Variants in CUX1 observed in about 807,000 individuals in gnomAD.
CUX1 encodes the protein protein CASP.
Under a neutral mutation model 158.8 loss-of-function variants are expected in CUX1, and 31 were observed. The observed-to-expected ratio is 0.20, with a 90% CI of 0.15 to 0.26. CUX1 has a LOEUF of 0.26. CUX1 is among the 10% of genes least tolerant of loss of function. CUX1 has a pLI of 1.00. For missense variants in CUX1, 1,589 were observed against 2,014.6 expected (o/e 0.79, Z 4.04); for synonymous variants, 879 against 862.1 (o/e 1.02, Z -0.34).
intron 9 of CUX1, among the ~76,000 whole-genome samples, chr7:102,160,053 C>T (rs781821006): frequency 3.3e-5 from 5 of 151,908 alleles, no homozygotes; most frequent in Non-Finnish European, 7.4e-5. Flanking sequence ...CGGTGACATG[C>T]ACCTGTCATC....
intron 18 of CUX1, 57 bp from the exon 19 acceptor site, chr7:102,204,334 T>C: frequency 1.9e-6 from 3 of 1,593,912 alleles, no homozygotes; most frequent in Non-Finnish European, 2.6e-6. Context: ...CAGCAGCATC[T>C]GTGGTGTCAT....
At chr7:101,979,762 G>T (rs1211368378) in intron 2 of CUX1, among the ~76,000 whole-genome samples, 1 of 152,134 alleles carries the variant, frequency 6.6e-6, no homozygotes, top group African/African-American at 2.4e-5. Flanking sequence ...CAATTCTCAT[G>T]CCTCAGCCTC....
intron 3 of CUX1, among the ~76,000 whole-genome samples, chr7:102,051,187 T>A (rs1413937112): frequency 6.6e-6 from 1 of 152,086 alleles, no homozygotes; most frequent in Non-Finnish European, 1.5e-5. Context: ...CAGGCCACTT[T>A]GTTTGAACAC....
Position 102,251,854 on chromosome 7 carries a change from G to A in CUX1, c.*2812G>A, listed in dbSNP as rs1387394871. The A allele has an allele frequency of 1.0e-6, 1 of 985,268 alleles. No individual in the cohort carries two copies. Among genetic ancestry groups the A allele is most frequent in the Non-Finnish European group, 1.2e-6 (1 of 829,932 alleles). 61.0% of individuals were successfully genotyped at this position (985,268 alleles called of 1,614,324 possible). On this transcript the variant is annotated 3_prime_UTR_variant, in exon 24 of 24. Transcript: ENST00000292535. ...AAAGGCATGACTGTTATTTACAAAGGTGTTAAATCTGAGGAAATTGACAAA... is the reference window on the plus strand; with the variant it reads ...AAAGGCATGACTGTTATTTACAAAGATGTTAAATCTGAGGAAATTGACAAA...
At chr7:101,921,268 T>C (rs1804889379) in intron 2 of CUX1, among the ~76,000 whole-genome samples, 2 of 152,076 alleles carry the variant, frequency 1.3e-5, no homozygotes. Context: ...CACATATGTG[T>C]GTGTACGTAC....
intron 4 of CUX1, among the ~76,000 whole-genome samples, chr7:102,088,158 T>C (rs1828145232): frequency 6.6e-6 from 1 of 152,030 alleles, no homozygotes; most frequent in Non-Finnish European, 1.5e-5. Context: ...CCACCATGCC[T>C]GGCTAATTTT....
At chr7:101,837,713 C>G (rs923973343) in intron 1 of CUX1, among the ~76,000 whole-genome samples, 2 of 151,232 alleles carry the variant, frequency 1.3e-5, no homozygotes, top group Non-Finnish European at 2.9e-5. Context: ...CACCTGTGTT[C>G]CCAGCTACTC....
At chr7:101,995,918 G>GC (rs1398782387) in intron 2 of CUX1, among the ~76,000 whole-genome samples, 1 of 152,148 alleles carries the variant, frequency 6.6e-6, no homozygotes, top group Non-Finnish European at 1.5e-5. Context: ...TCCAAGACCA[G>GC]CCTGGGTAAA....
At chr7:101,999,826 G>A (rs886676528) in intron 2 of CUX1, among the ~76,000 whole-genome samples, 3 of 152,164 alleles carry the variant, frequency 2.0e-5, no homozygotes, top group African/African-American at 7.2e-5. Context: ...TGAGGGCTCA[G>A]GAAGAAAATG....
At chr7:102,064,502 A>G (rs1056088417) in intron 3 of CUX1, among the ~76,000 whole-genome samples, 2 of 152,172 alleles carry the variant, frequency 1.3e-5, no homozygotes, top group Non-Finnish European at 2.9e-5. Context: ...TCCCCTTCTC[A>G]GAGGGAGCTG....
intron 2 of CUX1, among the ~76,000 whole-genome samples, chr7:101,973,845 G>A (rs907319900): frequency 4.7e-5 from 7 of 147,878 alleles, no homozygotes; most frequent in Admixed American, 1.4e-4. Flanking sequence ...CTCAGCTCAC[G>A]GCAACCTCCA....
intron 1 of CUX1, among the ~76,000 whole-genome samples, chr7:101,848,051 CAAAAA>C (rs57428019): frequency 4.6e-5 from 3 of 65,374 alleles, no homozygotes; most frequent in African/African-American, 1.3e-4. Context: ...GAGCAAGACT[CAAAAA>C]AAAAAAAAAA....
At position 102,127,672 on chromosome 7, in the gene CUX1, G is replaced by A. The variant is rs528231415; in HGVS notation, c.674+12399G>A. ...TGCATACTGCATAACATTCCATCAC[G>A]TAGGTGAGCCCTAAGACTTACCACT... On this transcript the variant is annotated intron_variant, in intron 8 of 23. Transcript: ENST00000292535. 5.3e-5 allele frequency among the ~76,000 whole-genome samples: 8 copies of A among 152,016 alleles called. No individual in the cohort carries two copies. The South Asian group carries it at 1.5e-3, about 28-fold the overall frequency.
At chr7:101,850,555 A>G (rs1796171245) in intron 1 of CUX1, among the ~76,000 whole-genome samples, 1 of 148,628 alleles carries the variant, frequency 6.7e-6, no homozygotes, top group South Asian at 2.1e-4. Flanking sequence ...TAATTGTTGT[A>G]TTTTTTGTAG....
intron 2 of CUX1, among the ~76,000 whole-genome samples, chr7:101,982,286 G>T (rs972635948): frequency 2.6e-5 from 4 of 152,356 alleles, no homozygotes; most frequent in African/African-American, 9.6e-5. Flanking sequence ...TCTCACCAAG[G>T]TGTTATGAGC....
chr7:102,094,406 A>G (rs1299123318), intron 4 of CUX1, among the ~76,000 whole-genome samples: 8 of 152,196 alleles, frequency 5.3e-5, no homozygotes, highest in Non-Finnish European at 1.0e-4. Context: ...AATGATTATG[A>G]GATTGCCTGA....
chr7:102,148,824 C>CT (rs1341447235), intron 8 of CUX1, among the ~76,000 whole-genome samples: 1 of 151,280 alleles, frequency 6.6e-6, no homozygotes, highest in African/African-American at 2.4e-5. Flanking sequence ...AATATATAGT[C>CT]TTTTTTCCCT....
chr7:102,280,800 G>T, intron 19 of CUX1: 1 of 1,612,910 alleles, frequency 6.2e-7, no homozygotes. Context: ...CCCTCCCTGT[G>T]CAGGAGCGGC....
intron 1 of CUX1, among the ~76,000 whole-genome samples, chr7:101,907,030 T>C (rs932031699): frequency 3.9e-5 from 6 of 152,178 alleles, no homozygotes; most frequent in African/African-American, 1.4e-4. Flanking sequence ...TCATTCAGGA[T>C]TTTTTATGAC....
Sources: gnomAD v4.1 joint callset for allele counts (sites outside exome capture counted in the v4.1 genomes callset) on GRCh38, gnomAD v4.1.1 for gene constraint, MANE v1.5 for transcripts, NCBI Gene and HGNC (gene_info 2026-07-23, HGNC 2026-07-21) for gene names.